The following AGTPBP1 variants were observed in gnomAD, a reference collection of about 807,000 sequenced individuals.
The protein encoded by AGTPBP1 is cytosolic carboxypeptidase 1.
A neutral mutation model predicts 143.9 loss-of-function variants in AGTPBP1; 70 were observed. The ratio of observed to expected loss-of-function variants is 0.49; its 90% CI spans 0.40 to 0.59. AGTPBP1 has a LOEUF of 0.59. Ranked by LOEUF, AGTPBP1 falls within the 20% of genes least tolerant of loss-of-function variation. The pLI, the probability that AGTPBP1 is intolerant of heterozygous loss-of-function variation, is 0.00. For missense variants in AGTPBP1, 1,229 were observed against 1,464.5 expected (o/e 0.84, Z 2.62); for synonymous variants, 463 against 500.2 (o/e 0.93, Z 0.99).
chr9:85,589,493 A>G (rs1828819720), intron 20 of AGTPBP1, 35 bp downstream of exon 20: 1 of 1,572,866 alleles, frequency 6.4e-7, no homozygotes, highest in Admixed American at 1.9e-5. Context: ...GTAGGTGAGA[A>G]TGACTGCTAT....
At chr9:85,728,397 T>C (rs1465272101) in intron 1 of AGTPBP1, among the ~76,000 whole-genome samples, 1 of 152,136 alleles carries the variant, frequency 6.6e-6, no homozygotes, top group East Asian at 1.9e-4. Flanking sequence ...ATGCTCTTGA[T>C]TATACACTCG....
intron 22 of AGTPBP1, among the ~76,000 whole-genome samples, chr9:85,586,508 G>A (rs1249905702): frequency 1.3e-5 from 2 of 152,108 alleles, no homozygotes; most frequent in Admixed American, 1.3e-4. Context: ...GTGTGTAGTA[G>A]AGACTTAACA....
intron 18 of AGTPBP1, among the ~76,000 whole-genome samples, chr9:85,595,630 G>A (rs1485328292): frequency 1.3e-5 from 2 of 152,128 alleles, no homozygotes; most frequent in Admixed American, 6.5e-5. Flanking sequence ...GGGTTCAAGC[G>A]ATTCTCTTCC....
chr9:85,658,451 T>TGG (rs1288756696), intron 9 of AGTPBP1, among the ~76,000 whole-genome samples: 1 of 152,106 alleles, frequency 6.6e-6, no homozygotes, highest in East Asian at 1.9e-4. Context: ...ACTAAGATAG[T>TGG]GGCAAGGGAA....
chr9:85,649,744 T>TA (rs1833034883), intron 11 of AGTPBP1, among the ~76,000 whole-genome samples: 1 of 152,194 alleles, frequency 6.6e-6, no homozygotes, highest in Non-Finnish European at 1.5e-5. Flanking sequence ...TCTACACTGA[T>TA]ATGATTTTTA....
At chr9:85,728,211 T>G (rs566020995) in intron 1 of AGTPBP1, among the ~76,000 whole-genome samples, 1 of 152,152 alleles carries the variant, frequency 6.6e-6, no homozygotes, top group East Asian at 1.9e-4. Flanking sequence ...CTTGCTGATA[T>G]AGGAGAAAAA....
chr9:85,643,124 GT>G (rs1832600653), intron 12 of AGTPBP1, 181 bp from the exon 13 acceptor site: 1 of 548,862 alleles, frequency 1.8e-6, no homozygotes, highest in African/African-American at 1.9e-5. Context: ...GGGTTGTTGT[GT>G]TATTGTTGGG....
upstream of AGTPBP1, among the ~76,000 whole-genome samples, chr9:85,742,233 C>T (rs1824397983): frequency 6.6e-6 from 1 of 152,106 alleles, no homozygotes; most frequent in African/African-American, 2.4e-5. Flanking sequence ...TCCCTTGTAC[C>T]CAGCAGCCCC....
intron 8 of AGTPBP1, among the ~76,000 whole-genome samples, chr9:85,665,937 A>C (rs1834104704): frequency 6.6e-6 from 1 of 152,180 alleles, no homozygotes; most frequent in Non-Finnish European, 1.5e-5. Flanking sequence ...CTTATAAGCC[A>C]GAGTAAATTA....
intron 11 of AGTPBP1, among the ~76,000 whole-genome samples, chr9:85,653,811 T>C (rs1422828285): frequency 2.0e-5 from 3 of 152,226 alleles, no homozygotes; most frequent in African/African-American, 7.2e-5. Context: ...ATGCCCCTCT[T>C]ACCCAGTTTT....
intron 14 of AGTPBP1, among the ~76,000 whole-genome samples, chr9:85,631,132 C>A (rs1197559425): frequency 6.6e-6 from 1 of 152,208 alleles, no homozygotes; most frequent in Non-Finnish European, 1.5e-5. Flanking sequence ...ACCCCACTGG[C>A]AACCACATCT....
the AGTPBP1 span, among the ~76,000 whole-genome samples, chr9:85,757,287 G>C: frequency 1.3e-5 from 2 of 151,970 alleles, no homozygotes; most frequent in Non-Finnish European, 2.9e-5. Context: ...GACTGGTCTC[G>C]AACTTCTGAC....
chr9:85,657,985 A>T (rs1833634994), intron 9 of AGTPBP1, among the ~76,000 whole-genome samples: 1 of 152,114 alleles, frequency 6.6e-6, no homozygotes, highest in Admixed American at 6.6e-5. Flanking sequence ...TTTTTGTTAC[A>T]CCAAATGAAA....
upstream of AGTPBP1, chr9:85,741,995 C>T: frequency 4.9e-6 from 6 of 1,214,452 alleles, no homozygotes; most frequent in Non-Finnish European, 6.1e-6. Context: ...CCCCGCCCAC[C>T]GCACGCCTTG....
intron 9 of AGTPBP1, among the ~76,000 whole-genome samples, chr9:85,659,360 T>A (rs528168105): frequency 1.3e-5 from 2 of 152,152 alleles, no homozygotes; most frequent in Non-Finnish European, 2.9e-5. Context: ...TAAATGAGAA[T>A]GCTCCAAAAT....
At chr9:85,772,336 C>A in the AGTPBP1 span, among the ~76,000 whole-genome samples, 2 of 152,096 alleles carry the variant, frequency 1.3e-5, no homozygotes, top group African/African-American at 4.8e-5. Flanking sequence ...ATCCTGGGAA[C>A]CCTTGTATTA....
chr9:85,789,220 G>A, the AGTPBP1 span, among the ~76,000 whole-genome samples: 3 of 151,916 alleles, frequency 2.0e-5, no homozygotes, highest in African/African-American at 7.2e-5. Context: ...TATAAATAAC[G>A]TCGTGAATAA....
chr9:85,610,078 G>A (rs1427334257), intron 17 of AGTPBP1, among the ~76,000 whole-genome samples: 2 of 152,166 alleles, frequency 1.3e-5, no homozygotes, highest in East Asian at 1.9e-4. Flanking sequence ...ATTAACTAAC[G>A]TGGGCAAAGC....
intron 10 of AGTPBP1, among the ~76,000 whole-genome samples, chr9:85,656,388 A>G (rs1025850731): frequency 5.3e-5 from 8 of 152,232 alleles, no homozygotes; most frequent in Non-Finnish European, 1.0e-4. Context: ...TAAAATATCC[A>G]TCAATGTCTA....
Sources: gnomAD v4.1 joint callset for allele counts (sites outside exome capture counted in the v4.1 genomes callset) on GRCh38, gnomAD v4.1.1 for gene constraint, MANE v1.5 for transcripts, NCBI Gene and HGNC (gene_info 2026-07-23, HGNC 2026-07-21) for gene names.